The following KCNH8 variants were observed in gnomAD, a reference collection of about 807,000 sequenced individuals.
KCNH8 encodes the protein potassium voltage-gated channel subfamily H member 8, also known as voltage-gated delayed rectifier potassium channel KCNH8.
A neutral mutation model predicts 103.6 loss-of-function variants in KCNH8; 70 were observed. The ratio of observed to expected loss-of-function variants is 0.68; its 90% CI spans 0.56 to 0.82. The LOEUF (loss-of-function observed/expected upper bound fraction) is 0.82, where lower values mean the gene tolerates loss of function less well. KCNH8 is among the 40% of genes least tolerant of loss of function. The probability of loss-of-function intolerance (pLI) is 0.00; values close to 1 mark genes in which losing one functional copy is unlikely to be tolerated. For synonymous variants in KCNH8, 498 were observed against 489.4 expected, an observed-to-expected ratio of 1.02 and a Z score of -0.23; for missense variants, 1,217 against 1,329.9, an observed-to-expected ratio of 0.92 and a Z score of 1.32.
At chr3:19,248,551 T>A (rs2064235233) in intron 1 of KCNH8, among the ~76,000 whole-genome samples, 1 of 152,192 alleles carries the variant, frequency 6.6e-6, no homozygotes, top group African/African-American at 2.4e-5. Flanking sequence ...ATATTTTTTC[T>A]ACAATTTACC....
chr3:19,219,913 GCTC>G (rs1411375779), intron 1 of KCNH8, among the ~76,000 whole-genome samples: 1 of 152,164 alleles, frequency 6.6e-6, no homozygotes, highest in Non-Finnish European at 1.5e-5. Context: ...AAAGCAAAAA[GCTC>G]CTAAAGTAAC....
At chr3:19,462,168 C>T (rs2067644496) in intron 11 of KCNH8, among the ~76,000 whole-genome samples, 1 of 152,094 alleles carries the variant, frequency 6.6e-6, no homozygotes, top group South Asian at 2.1e-4. Flanking sequence ...ATAATGGGAT[C>T]ACTGGGTCAA....
chr3:19,506,396 G>T (rs973179459), intron 11 of KCNH8, among the ~76,000 whole-genome samples: 1 of 152,098 alleles, frequency 6.6e-6, no homozygotes, highest in Non-Finnish European at 1.5e-5. Context: ...CTGAGCTCTT[G>T]TCTTTGGTTT....
At chr3:19,316,582 T>C (rs908532575) in intron 3 of KCNH8, among the ~76,000 whole-genome samples, 1 of 151,928 alleles carries the variant, frequency 6.6e-6, no homozygotes, top group Non-Finnish European at 1.5e-5. Flanking sequence ...AAAGCAATCC[T>C]CCAAAAAGGG....
intron 1 of KCNH8, among the ~76,000 whole-genome samples, chr3:19,209,333 T>C (rs1174099948): frequency 1.3e-5 from 2 of 152,100 alleles, no homozygotes; most frequent in African/African-American, 4.8e-5. Context: ...TAAAACATGC[T>C]TTTCTCATGT....
In KCNH8 at chr3:19,376,464, C is replaced by G. The variant is rs571710657; in HGVS notation, c.812-14017C>G. On this transcript the variant is annotated intron_variant, in intron 5 of 15. Transcript: ENST00000328405. ...GCCTCTCCCTGCTTCGGCTCATGCA[C>G]GGTGCGCGCACCCACTGACCTGTGC... 6.6e-5 allele frequency among the ~76,000 whole-genome samples: 10 copies of G among 152,242 alleles called. No homozygotes were observed. In the East Asian group the frequency reaches 1.9e-3, roughly 30 times the overall value.
intron 1 of KCNH8, among the ~76,000 whole-genome samples, chr3:19,236,547 C>T (rs2064068667): frequency 6.6e-6 from 1 of 152,132 alleles, no homozygotes; most frequent in Non-Finnish European, 1.5e-5. Flanking sequence ...TGGTTAAAAT[C>T]TTATAATTTG....
At chr3:19,155,104 T>G (rs980973365) in intron 1 of KCNH8, among the ~76,000 whole-genome samples, 2 of 152,194 alleles carry the variant, frequency 1.3e-5, no homozygotes, top group African/African-American at 4.8e-5. Context: ...TACAACCATC[T>G]TTGTCACATA....
intron 2 of KCNH8, among the ~76,000 whole-genome samples, chr3:19,267,694 G>A (rs543960961): frequency 2.6e-3 from 391 of 152,112 alleles, no homozygotes; most frequent in Non-Finnish European, 2.3e-3. Context: ...GCTCTTAAAA[G>A]CATTTAAGAG....
chr3:19,271,167 G>A (rs2064582430), intron 2 of KCNH8, among the ~76,000 whole-genome samples: 1 of 151,928 alleles, frequency 6.6e-6, no homozygotes, highest in African/African-American at 2.4e-5. Context: ...CTGTGTTTTG[G>A]CAGAAAGCTC....
chr3:19,280,552 A>G (rs1035409764), intron 2 of KCNH8, among the ~76,000 whole-genome samples: 1 of 152,074 alleles, frequency 6.6e-6, no homozygotes, highest in Non-Finnish European at 1.5e-5. Flanking sequence ...TACTTACATT[A>G]TATTAGTGAT....
At chr3:19,435,108 C>A (rs146967752) in intron 7 of KCNH8, among the ~76,000 whole-genome samples, 2 of 152,192 alleles carry the variant, frequency 1.3e-5, no homozygotes, top group African/African-American at 4.8e-5. Context: ...TTGTGGTAAT[C>A]ATTTCATAAC....
At chr3:19,301,508 A>C (rs1481660546) in intron 3 of KCNH8, among the ~76,000 whole-genome samples, 1 of 152,112 alleles carries the variant, frequency 6.6e-6, no homozygotes, top group South Asian at 2.1e-4. Flanking sequence ...CATCTTTCAC[A>C]TAATTTTTTC....
intron 15 of KCNH8, among the ~76,000 whole-genome samples, chr3:19,531,095 A>T (rs2069153885): frequency 6.6e-6 from 1 of 152,232 alleles, no homozygotes; most frequent in South Asian, 2.1e-4. Flanking sequence ...CTGTGCCTTT[A>T]TTTAATTCTC....
chr3:19,486,985 T>A (rs1434310001), intron 11 of KCNH8, among the ~76,000 whole-genome samples: 1 of 152,174 alleles, frequency 6.6e-6, no homozygotes, highest in Non-Finnish European at 1.5e-5. Context: ...GGTGCTGAAG[T>A]AGGACATCCG....
intron 1 of KCNH8, among the ~76,000 whole-genome samples, chr3:19,161,644 G>A (rs1478202501): frequency 2.0e-5 from 3 of 152,158 alleles, no homozygotes; most frequent in African/African-American, 7.2e-5. Context: ...TGTAAATGTT[G>A]TTGTAAATTC....
rs529057228 is a variant in KCNH8, at chr3:19,234,364, A to C, written c.77-19290A>C. Among the ~76,000 whole-genome samples the C allele has an allele frequency of 5.3e-5, 8 of 152,312 alleles. No individual in the cohort carries two copies. The East Asian group carries it at 9.7e-4, about 18-fold the overall frequency. ...CCGCTCGTGGGGAGGCTCCGGCCGC[A>C]CAGGAGCCCACGGAGTTGGGGGGAG... is the stretch of plus-strand genomic sequence containing the variant. On this transcript the variant is annotated intron_variant, in intron 1 of 15. Coordinates refer to ENST00000328405, the MANE Select transcript of KCNH8 (RefSeq NM_144633.3).
At position 19,533,832 on chromosome 3, in the gene KCNH8, G is replaced by A. The variant is rs375400626; in HGVS notation, c.3057G>A (p.Thr1019=). The A allele has an allele frequency of 5.2e-5, 84 of 1,614,006 alleles. No homozygotes were observed. The Middle Eastern group carries it at 4.6e-3, about 88-fold the overall frequency. ...LRCISPHSDS[T]LTPLQSISAT... ...GCATCTCTCCACATTCAGATTCTAC[G>A]TTGACGCCTCTGCAGTCCATTTCAG... is the stretch of plus-strand genomic sequence containing the variant. Residue 1019 remains threonine (T), a synonymous_variant, in exon 16 of 16, where the codon ACG becomes ACA. Coordinates refer to ENST00000328405, the MANE Select transcript of KCNH8 (RefSeq NM_144633.3).
intron 7 of KCNH8, among the ~76,000 whole-genome samples, chr3:19,412,754 A>G (rs2066800934): frequency 6.6e-6 from 1 of 152,086 alleles, no homozygotes; most frequent in Non-Finnish European, 1.5e-5. Flanking sequence ...GAAGACATAC[A>G]CATGGCCAAC....
Sources: gnomAD v4.1 joint callset for allele counts (sites outside exome capture counted in the v4.1 genomes callset) on GRCh38, gnomAD v4.1.1 for gene constraint, MANE v1.5 for transcripts, NCBI Gene and HGNC (gene_info 2026-07-23, HGNC 2026-07-21) for gene names.